The following RABGAP1L variants were observed in gnomAD, a reference collection of about 807,000 sequenced individuals.
RABGAP1L encodes rab GTPase-activating protein 1-like.
A neutral mutation model predicts 137.7 loss-of-function variants in RABGAP1L; 63 were observed. The observed-to-expected ratio is 0.46, with a 90% confidence interval of 0.37 to 0.56. The LOEUF is 0.56. Ranked by LOEUF, RABGAP1L falls within the 20% of genes least tolerant of loss-of-function variation. The pLI, the probability that RABGAP1L is intolerant of heterozygous loss-of-function variation, is 0.00. For synonymous variants in RABGAP1L, 431 were observed against 433.7 expected (o/e 0.99, Z 0.08); for missense variants, 1,095 against 1,244.0 (o/e 0.88, Z 1.80).
intron 13 of RABGAP1L, among the ~76,000 whole-genome samples, chr1:174,573,770 AT>A (rs893400638): frequency 6.7e-6 from 1 of 149,784 alleles, no homozygotes; most frequent in Non-Finnish European, 1.5e-5. Flanking sequence ...AAAAAAAAAA[AT>A]AAAGTTGCTG....
intron 10 of RABGAP1L, among the ~76,000 whole-genome samples, chr1:174,302,998 G>C (rs1349214483): frequency 6.6e-6 from 1 of 151,100 alleles, no homozygotes; most frequent in Non-Finnish European, 1.5e-5. Context: ...AGGTTGTGGA[G>C]TACTTATAAA....
intron 11 of RABGAP1L, among the ~76,000 whole-genome samples, chr1:174,313,623 A>G (rs1558123888): frequency 6.6e-6 from 1 of 152,180 alleles, no homozygotes; most frequent in Non-Finnish European, 1.5e-5. Context: ...GTTTTTCTCC[A>G]TTCAGTATGG....
intron 11 of RABGAP1L, among the ~76,000 whole-genome samples, chr1:174,350,863 C>T (rs1201565107): frequency 8.9e-5 from 8 of 90,326 alleles, no homozygotes; most frequent in South Asian, 4.5e-4. Context: ...CCGAGGTTGG[C>T]GGATCACTCG....
rs1158642763 is a variant in RABGAP1L, at chr1:174,590,336, CTT to C, written c.1711-47029_1711-47028del. 4.1e-3 allele frequency among the ~76,000 whole-genome samples: 521 copies of C among 125,996 alleles called. 6 individuals carry two copies. The highest frequency in any genetic ancestry group is 0.013 in the African/African-American group (442 of 34,814). 82.7% of individuals were successfully genotyped at this position (125,996 alleles called of 152,430 possible). On this transcript the variant is annotated intron_variant, in intron 13 of 25. Coordinates refer to ENST00000681986, the MANE Select transcript of RABGAP1L (RefSeq NM_001366446.1). ...TTTAGATGCTGTATTGTTTTTTTTTCTTTTTTTTTTTATTTATTTTTTTTTTA... is the reference window on the plus strand; with the variant it reads ...TTTAGATGCTGTATTGTTTTTTTTTCTTTTTTTTTATTTATTTTTTTTTTA...
At chr1:174,265,701 A>G (rs1301917860) in intron 7 of RABGAP1L, among the ~76,000 whole-genome samples, 4 of 152,106 alleles carry the variant, frequency 2.6e-5, no homozygotes, top group South Asian at 2.1e-4. Flanking sequence ...AATTTATTCA[A>G]TGAAAAATTT....
At chr1:174,940,652 C>T (rs1665712745) in intron 19 of RABGAP1L, among the ~76,000 whole-genome samples, 2 of 152,142 alleles carry the variant, frequency 1.3e-5, no homozygotes, top group South Asian at 4.2e-4. Flanking sequence ...TAAAACCAGT[C>T]TTGATCCTTT....
At chr1:174,971,272 C>G (rs1160611518) in intron 21 of RABGAP1L, among the ~76,000 whole-genome samples, 1 of 150,504 alleles carries the variant, frequency 6.6e-6, no homozygotes, top group African/African-American at 2.4e-5. Context: ...GAATATAATA[C>G]TAAATAATAT....
At chr1:174,705,371 T>C (rs1175066589) in intron 17 of RABGAP1L, 1 of 152,168 alleles carries the variant, frequency 6.6e-6, no homozygotes, top group African/African-American at 2.4e-5. Context: ...ACTAGCAACA[T>C]TTGTGCTACA....
At chr1:174,787,190 G>T (rs1200506951) in intron 18 of RABGAP1L, among the ~76,000 whole-genome samples, 1 of 152,048 alleles carries the variant, frequency 6.6e-6, no homozygotes, top group Non-Finnish European at 1.5e-5. Context: ...ATCACCTGAG[G>T]TCAGGAGTTC....
At chr1:174,205,663 T>G (rs1271839276) in intron 1 of RABGAP1L, among the ~76,000 whole-genome samples, 1 of 152,090 alleles carries the variant, frequency 6.6e-6, no homozygotes, top group Non-Finnish European at 1.5e-5. Flanking sequence ...GTGTTCTCTC[T>G]TTTCTTTATT....
chr1:174,741,373 G>T (rs906082032), intron 17 of RABGAP1L, among the ~76,000 whole-genome samples: 5 of 151,820 alleles, frequency 3.3e-5, no homozygotes, highest in Non-Finnish European at 5.9e-5. Context: ...TTGTTTTTGT[G>T]TTTTTTTGAG....
In RABGAP1L at chr1:174,503,658, CAAAAAAA is replaced by C. The variant is rs61588327; in HGVS notation, c.1710+109524_1710+109530del. On this transcript the variant is annotated intron_variant, in intron 13 of 25. Coordinates refer to ENST00000681986, the MANE Select transcript of RABGAP1L (RefSeq NM_001366446.1). Reference sequence around the variant, plus strand: ...CCTGGGCAACAGAGCGAGACTCCGTCAAAAAAAAAAAAAAAAAGAAATGTAAATACAA... The same window carrying C: ...CCTGGGCAACAGAGCGAGACTCCGTCAAAAAAAAAAGAAATGTAAATACAA... Among the ~76,000 whole-genome samples the C allele has an allele frequency of 4.8e-5, 5 of 103,660 alleles. No individual in the cohort carries two copies. In the Admixed American group the frequency reaches 5.7e-4, roughly 12 times the overall value. 68.0% of individuals were successfully genotyped at this position (103,660 alleles called of 152,430 possible).
intron 13 of RABGAP1L, among the ~76,000 whole-genome samples, chr1:174,475,668 G>A (rs1658423161): frequency 6.6e-6 from 1 of 150,954 alleles, no homozygotes; most frequent in Admixed American, 6.6e-5. Flanking sequence ...AGCTCTGGGA[G>A]GCTGAGGTGG....
At chr1:174,522,455 G>A (rs1663496512) in intron 13 of RABGAP1L, among the ~76,000 whole-genome samples, 1 of 151,444 alleles carries the variant, frequency 6.6e-6, no homozygotes, top group Admixed American at 6.6e-5. Context: ...TGTAGTCCCA[G>A]ATACTCAGGA....
chr1:174,984,705 G>T (rs1264928252), intron 24 of RABGAP1L, among the ~76,000 whole-genome samples: 1 of 152,148 alleles, frequency 6.6e-6, no homozygotes, highest in Admixed American at 6.5e-5. Flanking sequence ...TTGTGCCACT[G>T]TACTCCAGCC....
intron 10 of RABGAP1L, among the ~76,000 whole-genome samples, chr1:174,301,701 T>C (rs1229578665): frequency 6.6e-6 from 1 of 152,110 alleles, no homozygotes; most frequent in Non-Finnish European, 1.5e-5. Flanking sequence ...TCTCCCATTG[T>C]GGCTGGGTCC....
At chr1:174,972,327 A>G (rs1458706266) in intron 21 of RABGAP1L, among the ~76,000 whole-genome samples, 1 of 152,226 alleles carries the variant, frequency 6.6e-6, no homozygotes, top group Non-Finnish European at 1.5e-5. Flanking sequence ...TGGCCTGGTT[A>G]GTTCTTTCAG....
At chr1:174,483,533 A>T (rs563791178) in intron 13 of RABGAP1L, among the ~76,000 whole-genome samples, 1 of 152,160 alleles carries the variant, frequency 6.6e-6, no homozygotes, top group African/African-American at 2.4e-5. Flanking sequence ...TTATTCATTC[A>T]TCTGTCGATG....
intron 18 of RABGAP1L, among the ~76,000 whole-genome samples, chr1:174,799,114 G>T (rs1457881620): frequency 6.6e-6 from 1 of 152,144 alleles, no homozygotes; most frequent in Non-Finnish European, 1.5e-5. Flanking sequence ...TTTTTGCTTT[G>T]AGAATTTCAA....
Sources: gnomAD v4.1 joint callset for allele counts (sites outside exome capture counted in the v4.1 genomes callset) on GRCh38, gnomAD v4.1.1 for gene constraint, MANE v1.5 for transcripts, NCBI Gene and HGNC (gene_info 2026-07-23, HGNC 2026-07-21) for gene names.